Variants in SLC28A3 observed in about 807,000 individuals in gnomAD.
SLC28A3 encodes concentrative Na(+)-nucleoside cotransporter 3.
SLC28A3 carries 68 observed loss-of-function variants against 84.2 expected under a neutral mutation model. That is an observed-to-expected ratio of 0.81 (90% CI 0.66 to 0.99). The LOEUF is 0.99. Among genes scored for constraint, SLC28A3 ranks in the 50% least tolerant of loss-of-function variants. The pLI is 0.00. For missense variants in SLC28A3, 712 were observed against 841.5 expected (o/e 0.85, Z 1.90); for synonymous variants, 267 against 303.6 (o/e 0.88, Z 1.25).
rs1212894303 is a variant in SLC28A3 at position 84,340,662 on chromosome 9, C to G, written c.-29G>C. ...CTTTTTGCTGCTGGCTGGCTCTGGT[C>G]TGGAGGTCCTTTGTACCTGGGAAAA... On this transcript the variant is annotated 5_prime_UTR_variant, in exon 1 of 18. Coordinates refer to ENST00000376238, the MANE Select transcript of SLC28A3 (RefSeq NM_001199633.2). 2 of 1,613,962 alleles carry G rather than the reference C, an allele frequency of 1.2e-6. No individual in the cohort carries two copies. Among genetic ancestry groups the G allele is most frequent in the South Asian group, 2.2e-5 (2 of 91,064 alleles).
chr9:84,321,249 C>T (rs1476850577), intron 1 of SLC28A3, among the ~76,000 whole-genome samples: 1 of 152,066 alleles, frequency 6.6e-6, no homozygotes, highest in East Asian at 1.9e-4. Context: ...ATTATTCTTA[C>T]TCTCATTTGC....
At chr9:84,322,529 T>C (rs940264904) in intron 1 of SLC28A3, among the ~76,000 whole-genome samples, 1 of 152,142 alleles carries the variant, frequency 6.6e-6, no homozygotes, top group African/African-American at 2.4e-5. Context: ...AGTAAATAAA[T>C]GTAAATTACT....
chr9:84,301,044 C>T (rs1462545696), intron 5 of SLC28A3, among the ~76,000 whole-genome samples: 4 of 151,896 alleles, frequency 2.6e-5, no homozygotes, highest in African/African-American at 9.7e-5. Context: ...GACATACCCA[C>T]AACAATTAAA....
intron 1 of SLC28A3, among the ~76,000 whole-genome samples, chr9:84,318,926 C>T (rs974107589): frequency 1.3e-5 from 2 of 151,230 alleles, no homozygotes; most frequent in African/African-American, 2.4e-5. Context: ...GAAGAAACTG[C>T]TAGAGGAAGA....
chr9:84,314,844 C>A (rs1826111868), intron 1 of SLC28A3, among the ~76,000 whole-genome samples: 1 of 152,130 alleles, frequency 6.6e-6, no homozygotes, highest in Admixed American at 6.6e-5. Context: ...TTTGGGAGGC[C>A]AAGGTGGGCG....
chr9:84,327,220 G>A (rs548559853), intron 1 of SLC28A3, among the ~76,000 whole-genome samples: 6 of 152,078 alleles, frequency 3.9e-5, no homozygotes, highest in Non-Finnish European at 7.4e-5. Context: ...TTGGTAAAAG[G>A]CAGTAGTGAT....
At chr9:84,295,788 C>T (rs1297544901) in intron 8 of SLC28A3, among the ~76,000 whole-genome samples, 2 of 152,072 alleles carry the variant, frequency 1.3e-5, no homozygotes, top group African/African-American at 4.8e-5. Flanking sequence ...CTACTGTTCC[C>T]CGGCTAACTG....
chr9:84,342,432 T>TTGTGTG (rs59071405), upstream of SLC28A3, among the ~76,000 whole-genome samples: 3 of 150,596 alleles, frequency 2.0e-5, no homozygotes, highest in Admixed American at 1.3e-4. Flanking sequence ...AAGTAGATTC[T>TTGTGTG]TGTGTGTGTG....
At chr9:84,353,204 C>T in the SLC28A3 span, among the ~76,000 whole-genome samples, 1 of 152,166 alleles carries the variant, frequency 6.6e-6, no homozygotes, top group South Asian at 2.1e-4. Context: ...TTGTCCTTAA[C>T]ATTTGCTGTA....
the SLC28A3 span, among the ~76,000 whole-genome samples, chr9:84,363,207 A>G: frequency 6.6e-6 from 1 of 152,238 alleles, no homozygotes; most frequent in Non-Finnish European, 1.5e-5. Context: ...AAGGGTCCCT[A>G]GGACTAATCT....
the SLC28A3 span, among the ~76,000 whole-genome samples, chr9:84,347,988 A>G: frequency 6.6e-6 from 1 of 152,106 alleles, no homozygotes; most frequent in African/African-American, 2.4e-5. Context: ...TCCAAGAGCC[A>G]ACACTAGGAC....
In SLC28A3 at chr9:84,290,144, AC is replaced by A; in HGVS notation, c.1149+9del. On this transcript the variant is annotated intron_variant, in intron 11 of 17. Coordinates refer to ENST00000376238, the MANE Select transcript of SLC28A3 (RefSeq NM_001199633.2). ...AGGTTGGTGTTTTCATAATTCCAAA[AC>A]ATTCTTACCCCAAAAGAAATGTATG... 1 of 1,612,034 alleles carries A rather than the reference AC, an allele frequency of 6.2e-7. No individual in the cohort carries two copies. Among genetic ancestry groups the A allele is most frequent in the Non-Finnish European group, 8.5e-7 (1 of 1,179,100 alleles).
the SLC28A3 span, among the ~76,000 whole-genome samples, chr9:84,365,665 G>A: frequency 3.3e-5 from 5 of 152,118 alleles, no homozygotes; most frequent in Non-Finnish European, 7.4e-5. Flanking sequence ...TTTTGTATAT[G>A]GGGAGAGATA....
intron 16 of SLC28A3, 132 bp downstream of exon 16, chr9:84,279,843 T>A (rs1824670051): frequency 1.1e-5 from 9 of 785,368 alleles, no homozygotes; most frequent in Non-Finnish European, 1.8e-5. Context: ...CTTTACAGTA[T>A]GCTTAAGAGC....
intron 2 of SLC28A3, 47 bp from the exon 3 acceptor site, chr9:84,309,761 G>T: frequency 6.6e-7 from 1 of 1,523,936 alleles, no homozygotes; most frequent in Non-Finnish European, 9.1e-7. Context: ...AGCATCCTGG[G>T]CATAATGGAC....
Position 84,278,018 on chromosome 9 carries a change from A to G in SLC28A3, c.*200T>C. 1 of 598,082 alleles carries G rather than the reference A, an allele frequency of 1.7e-6. No individual in the cohort carries two copies. The highest frequency in any genetic ancestry group is 2.8e-6 in the Non-Finnish European group (1 of 356,914). The allele number at this position is 598,082 out of a possible 1,614,324, so 37.0% of individuals were successfully genotyped here. A position where few individuals can be genotyped will look rare whatever the true frequency, so the allele number is the denominator to read the frequency against. On this transcript the variant is annotated 3_prime_UTR_variant, in exon 18 of 18. Transcript: ENST00000376238. ...GACATCATAGCAGTTCTTGGTGGGG[A>G]AGGGGCTGGTGGGGAGGGAGGGGAG...
Position 84,292,687 on chromosome 9 carries a change from C to G in SLC28A3, c.1004G>C (p.Gly335Ala), listed in dbSNP as rs769117051. 5 of 1,608,910 alleles carry G rather than the reference C, an allele frequency of 3.1e-6. No homozygotes were observed. In the Admixed American group the frequency reaches 8.5e-5, roughly 27 times the overall value. ...ACTTACTTGTCCAACAAATATATTG[C>G]CAGAAGCAACTACAGATTCAATAGG... ...SSPIESVVAS[G>A]NIFVGQTESP... The change falls in exon 10 of 18, where the codon GGC becomes GCC. Residue 335 changes from glycine (G) to alanine (A), a missense_variant. By Grantham distance (60) the Gly-to-Ala change is moderately conservative. Transcript: ENST00000376238.
chr9:84,323,644 C>T (rs1284648246), intron 1 of SLC28A3, among the ~76,000 whole-genome samples: 12 of 151,874 alleles, frequency 7.9e-5, no homozygotes, highest in African/African-American at 2.9e-4. Flanking sequence ...AGGCTGGTCT[C>T]GAATTCCTAA....
rs1004351725 is a variant in SLC28A3 at position 84,285,972 on chromosome 9, T to C, written c.1420A>G (p.Met474Val). 14 of 1,613,936 alleles carry C rather than the reference T, an allele frequency of 8.7e-6. No individual in the cohort carries two copies. Among genetic ancestry groups the C allele is most frequent in the Non-Finnish European group, 1.0e-5 (12 of 1,179,940 alleles). The change falls in exon 13 of 18, where the codon ATG (methionine) becomes GTG (valine). Residue 474 changes from methionine to valine, a missense_variant. Coordinates refer to ENST00000376238, the MANE Select transcript of SLC28A3 (RefSeq NM_001199633.2). The stretch of plus-strand genomic sequence containing the variant: ...AAACTCAGCTGTGGGTAGTCAAACA[T>C]GTTTCCAAACCAGGACAGGGCTGAA... ...MNSALSWFGNMFDYPQLSFEL... is the reference protein window; with the variant it reads ...MNSALSWFGNVFDYPQLSFEL...
Sources: allele counts gnomAD v4.1 joint callset (sites outside exome capture counted in the v4.1 genomes callset), GRCh38; gene constraint gnomAD v4.1.1; transcripts MANE v1.5; gene names NCBI Gene and HGNC (gene_info 2026-07-23, HGNC 2026-07-21).